Variants in ACER1 observed in about 807,000 individuals in gnomAD.
The protein encoded by ACER1 is alkaline ceramidase 1, also known as CTB-180A7.3.
ACER1 carries 28 observed loss-of-function variants against 24.9 expected under a neutral mutation model. That is an observed-to-expected ratio of 1.13 (90% CI 0.83 to 1.54). The LOEUF (loss-of-function observed/expected upper bound fraction) is 1.54, where lower values mean the gene tolerates loss of function less well. Among genes scored for constraint, ACER1 ranks in the 40% most tolerant of loss-of-function variants. The pLI, the probability that ACER1 is intolerant of heterozygous loss-of-function variation, is 0.00. For synonymous variants in ACER1, 132 were observed against 131.4 expected (o/e 1.00, Z -0.03); for missense variants, 352 against 349.3 (o/e 1.01, Z -0.06).
At chr19:6,343,481 T>C in the ACER1 span, among the ~76,000 whole-genome samples, 1 of 151,822 alleles carries the variant, frequency 6.6e-6, no homozygotes, top group Non-Finnish European at 1.5e-5. Context: ...TCAAGTGGCA[T>C]CCATCTCAAC....
intron 1 of ACER1, among the ~76,000 whole-genome samples, chr19:6,319,004 G>C (rs148273411): frequency 3.9e-5 from 6 of 151,926 alleles, no homozygotes; most frequent in Admixed American, 2.0e-4. Flanking sequence ...ATGGTACCTT[G>C]CAGGCTGATG....
upstream of ACER1, among the ~76,000 whole-genome samples, chr19:6,337,600 T>C (rs1223376350): frequency 3.4e-5 from 5 of 147,974 alleles, no homozygotes; most frequent in Middle Eastern, 3.2e-3. Flanking sequence ...ATTACAGGCG[T>C]GGACCACCCT....
chr19:6,348,659 A>C, the ACER1 span, among the ~76,000 whole-genome samples: 1 of 152,124 alleles, frequency 6.6e-6, no homozygotes, highest in Non-Finnish European at 1.5e-5. Flanking sequence ...CATTAAAAAA[A>C]AAGATGACAA....
chr19:6,324,044 CTTTTTA>C (rs974617681), intron 1 of ACER1, among the ~76,000 whole-genome samples: 1 of 152,026 alleles, frequency 6.6e-6, no homozygotes, highest in Non-Finnish European at 1.5e-5. Flanking sequence ...TCATTTCTCT[CTTTTTA>C]TTTTTATTTT....
upstream of ACER1, among the ~76,000 whole-genome samples, chr19:6,337,661 CTTTTTTTTTT>C (rs1192304687): frequency 0.081 from 2,121 of 26,068 alleles, 64 homozygotes; most frequent in South Asian, 0.14. Flanking sequence ...TTCTTTCTTT[CTTTTTTTTTT>C]TTTTTTTTTT....
rs866601862 is a variant in ACER1 at position 6,333,537 on chromosome 19, G to A, written c.15C>T (p.Phe5=). Reference sequence around the variant, plus strand: ...AGTCCACCTCGGAGCTCTGATAGGCGAAGATGCTAGGCATCTTGTCTCAGT... The same window carrying A: ...AGTCCACCTCGGAGCTCTGATAGGCAAAGATGCTAGGCATCTTGTCTCAGT... MPSI[F]AYQSSEVDWC... The change falls in exon 1 of 6, where the codon TTC becomes TTT. Residue 5 remains phenylalanine, a synonymous_variant. Coordinates refer to ENST00000301452, the MANE Select transcript of ACER1 (RefSeq NM_133492.3). The A allele has an allele frequency of 2.8e-5, 45 of 1,584,128 alleles. 1 individual carries two copies. The highest frequency in any genetic ancestry group is 1.8e-4 in the East Asian group (8 of 43,676).
intron 1 of ACER1, among the ~76,000 whole-genome samples, chr19:6,331,403 C>T (rs944160673): frequency 7.2e-6 from 1 of 138,218 alleles, no homozygotes; most frequent in Non-Finnish European, 1.5e-5. Context: ...CCCCCCTCGG[C>T]CTCCCAAAGT....
At position 6,333,583 on chromosome 19, in the gene ACER1, G is replaced by A. The variant is rs375464899; in HGVS notation, c.-32C>T. ...TCAGTGGCCACCACCAGCCGGCTGC[G>A]CCCGGCAGAGAGAAGGCGAGCTTGG... On this transcript the variant is annotated 5_prime_UTR_variant, in exon 1 of 6. Coordinates refer to ENST00000301452, the MANE Select transcript of ACER1 (RefSeq NM_133492.3). The A allele has an allele frequency of 7.1e-6, 11 of 1,540,240 alleles. No homozygotes were observed. The highest frequency in any genetic ancestry group is 3.4e-4 in the Middle Eastern group (2 of 5,900).
upstream of ACER1, among the ~76,000 whole-genome samples, chr19:6,334,764 G>C (rs1309019074): frequency 6.6e-6 from 1 of 151,994 alleles, no homozygotes; most frequent in Admixed American, 6.6e-5. Context: ...AACAAAGGAA[G>C]ACAGAGATAA....
At chr19:6,317,333 G>C (rs1169517508) in intron 1 of ACER1, among the ~76,000 whole-genome samples, 1 of 152,214 alleles carries the variant, frequency 6.6e-6, no homozygotes, top group East Asian at 1.9e-4. Flanking sequence ...AGAAAAACAA[G>C]TGATTGATAT....
chr19:6,324,926 A>G (rs139291099), intron 1 of ACER1, among the ~76,000 whole-genome samples: 1 of 132,772 alleles, frequency 7.5e-6, no homozygotes, highest in Non-Finnish European at 1.6e-5. Flanking sequence ...AAGGAAGGAA[A>G]CTCTCCTAAG....
rs1460598032 is a variant in ACER1, at chr19:6,307,036, G to T, written c.626+117C>A. The stretch of plus-strand genomic sequence containing the variant: ...AGCCTTCCCCTACCGCCAGGTCCCA[G>T]TGTCTGGCTCTCCTCTCTCTGCTTC... On this transcript the variant is annotated intron_variant, in intron 5 of 5. Transcript: ENST00000301452. 2.0e-6 allele frequency: 3 copies of T among 1,518,200 alleles called. No individual in the cohort carries two copies. In the African/African-American group the frequency reaches 4.1e-5, roughly 21 times the overall value. The allele number at this position is 1,518,200 out of a possible 1,614,324, so 94.0% of individuals were successfully genotyped here. A position where few individuals can be genotyped will look rare whatever the true frequency, so the allele number is the denominator to read the frequency against.
the ACER1 span, among the ~76,000 whole-genome samples, chr19:6,339,577 G>A: frequency 1.6e-4 from 25 of 152,274 alleles, no homozygotes; most frequent in African/African-American, 3.8e-4. Flanking sequence ...GCTTAATGCC[G>A]CTGAACTATG....
intron 1 of ACER1, among the ~76,000 whole-genome samples, chr19:6,318,568 G>A (rs553429692): frequency 2.0e-5 from 3 of 147,370 alleles, no homozygotes; most frequent in Admixed American, 6.9e-5. Context: ...ATGAGGTCAC[G>A]AGATCGAGAC....
rs538794923 is a variant in ACER1 at position 6,307,135 on chromosome 19, C to A, written c.626+18G>T. ...TCTCTGACTCTGGGCCCCCCACAGC[C>A]TCAGAGCATGTGCTTACCAGATGCT... On this transcript the variant is annotated intron_variant, in intron 5 of 5. Transcript: ENST00000301452. The A allele has an allele frequency of 1.9e-6, 3 of 1,613,686 alleles. No individual in the cohort carries two copies. In the South Asian group the frequency reaches 3.3e-5, roughly 18 times the overall value.
intron 1 of ACER1, among the ~76,000 whole-genome samples, chr19:6,314,713 A>T (rs946299122): frequency 2.0e-5 from 3 of 152,126 alleles, no homozygotes; most frequent in Admixed American, 6.6e-5. Flanking sequence ...CATTTGATCC[A>T]GCAATCCCGC....
rs1013111916 is a variant in ACER1 at position 6,328,496 on chromosome 19, C to CAAA, written c.93+4960_93+4962dup. ...TGGGCAACAGACTGAGACTCCATCT[C>CAAA]AAAAAAAAAAAAAAAAAAAAAAAAA... On this transcript the variant is annotated intron_variant, in intron 1 of 5. Coordinates refer to ENST00000301452, the MANE Select transcript of ACER1 (RefSeq NM_133492.3). Among the ~76,000 whole-genome samples, 176 of 41,196 alleles carry CAAA rather than the reference C, an allele frequency of 4.3e-3. 3 individuals are homozygous for CAAA. Among genetic ancestry groups the CAAA allele is most frequent in the African/African-American group, 0.01 (157 of 15,312 alleles). The allele number at this position is 41,196 out of a possible 152,430, so 27.0% of individuals were successfully genotyped here. A position where few individuals can be genotyped will look rare whatever the true frequency, so the allele number is the denominator to read the frequency against.
chr19:6,359,364 G>A, the ACER1 span, among the ~76,000 whole-genome samples: 1 of 150,982 alleles, frequency 6.6e-6, no homozygotes, highest in South Asian at 2.1e-4. Context: ...TGTTGCCCAG[G>A]CTGGAGTACA....
chr19:6,335,416 G>A (rs1200636273), upstream of ACER1, among the ~76,000 whole-genome samples: 2 of 151,228 alleles, frequency 1.3e-5, no homozygotes, highest in African/African-American at 4.9e-5. Flanking sequence ...GTAGAGACGG[G>A]GTTTCACCAT....
Sources: gnomAD v4.1 joint callset for allele counts (sites outside exome capture counted in the v4.1 genomes callset) on GRCh38, gnomAD v4.1.1 for gene constraint, MANE v1.5 for transcripts, NCBI Gene and HGNC (gene_info 2026-07-23, HGNC 2026-07-21) for gene names.